Variants in RNLS observed in about 807,000 individuals in gnomAD.
The protein encoded by RNLS is renalase.
A neutral mutation model predicts 39.8 loss-of-function variants in RNLS; 39 were observed. The ratio of observed to expected loss-of-function variants is 0.98; its 90% CI spans 0.76 to 1.28. The LOEUF (loss-of-function observed/expected upper bound fraction) is 1.28, where lower values mean the gene tolerates loss of function less well. Ranked by LOEUF, RNLS falls within the 50% of genes most tolerant of loss-of-function variation. The probability of loss-of-function intolerance (pLI) is 0.00; values close to 1 mark genes in which losing one functional copy is unlikely to be tolerated. For missense variants in RNLS, 410 were observed against 413.3 expected, an observed-to-expected ratio of 0.99 and a Z score of 0.07; for synonymous variants, 147 against 150.7, an observed-to-expected ratio of 0.98 and a Z score of 0.18.
intron 5 of RNLS, among the ~76,000 whole-genome samples, chr10:88,355,677 G>A (rs1002767315): frequency 6.6e-6 from 1 of 152,062 alleles, no homozygotes; most frequent in Admixed American, 6.6e-5. Context: ...ACTTGAGGAG[G>A]CAGTCTGTCC....
At chr10:88,283,693 A>C (rs1843104713), downstream of RNLS, among the ~76,000 whole-genome samples, 1 of 152,110 alleles carries the variant, frequency 6.6e-6, no homozygotes, top group Non-Finnish European at 1.5e-5. Context: ...ATTATCTTTA[A>C]CAAACTAATG....
chr10:88,365,161 C>T (rs1363787491), intron 4 of RNLS, among the ~76,000 whole-genome samples: 3 of 152,002 alleles, frequency 2.0e-5, no homozygotes, highest in Non-Finnish European at 4.4e-5. Context: ...AGGGGCTCTA[C>T]AATTCATTCC....
intron 4 of RNLS, among the ~76,000 whole-genome samples, chr10:88,407,083 C>A (rs970329526): frequency 6.6e-6 from 1 of 151,994 alleles, no homozygotes; most frequent in African/African-American, 2.4e-5. Context: ...TAAAAGACTA[C>A]AAATATGGTG....
chr10:88,549,773 T>C (rs1848521124), intron 4 of RNLS, among the ~76,000 whole-genome samples: 1 of 152,234 alleles, frequency 6.6e-6, no homozygotes, highest in Non-Finnish European at 1.5e-5. Context: ...CCTAGTCCTC[T>C]GAGTTATAGT....
intron 4 of RNLS, among the ~76,000 whole-genome samples, chr10:88,442,055 A>T (rs149213505): frequency 2.0e-5 from 3 of 152,226 alleles, no homozygotes; most frequent in Non-Finnish European, 2.9e-5. Context: ...GAGGCTGGGA[A>T]CATTTCTTTG....
At chr10:88,335,625 T>C (rs890227276) in intron 5 of RNLS, among the ~76,000 whole-genome samples, 1 of 152,208 alleles carries the variant, frequency 6.6e-6, no homozygotes, top group Non-Finnish European at 1.5e-5. Flanking sequence ...TTAGCTATAT[T>C]AGTTCATTAG....
the RNLS span, among the ~76,000 whole-genome samples, chr10:88,268,341 C>T: frequency 1.3e-5 from 2 of 152,152 alleles, no homozygotes; most frequent in East Asian, 3.9e-4. Context: ...AACTTGAAAG[C>T]TCTCCATATA....
intron 4 of RNLS, among the ~76,000 whole-genome samples, chr10:88,436,198 T>C (rs1462199262): frequency 1.3e-5 from 2 of 152,112 alleles, no homozygotes; most frequent in South Asian, 2.1e-4. Context: ...GGGTTGGTGT[T>C]GTGGGCTCAT....
intron 5 of RNLS, among the ~76,000 whole-genome samples, chr10:88,351,378 C>G (rs1430948687): frequency 6.6e-6 from 1 of 152,188 alleles, no homozygotes; most frequent in Admixed American, 6.5e-5. Flanking sequence ...ACATTTAAGT[C>G]TTTAATCCAT....
At chr10:88,532,467 G>T (rs530874207) in intron 4 of RNLS, among the ~76,000 whole-genome samples, 7 of 152,096 alleles carry the variant, frequency 4.6e-5, no homozygotes, top group Non-Finnish European at 7.4e-5. Flanking sequence ...GAAATGTAAT[G>T]AAAAGCAAAG....
chr10:88,307,925 G>A (rs1458610835), intron 6 of RNLS, among the ~76,000 whole-genome samples: 2 of 151,560 alleles, frequency 1.3e-5, no homozygotes, highest in Admixed American at 1.3e-4. Flanking sequence ...CATGATATTG[G>A]TACAAAAACA....
chr10:88,420,365 T>C (rs1377721165), intron 4 of RNLS, among the ~76,000 whole-genome samples: 2 of 152,212 alleles, frequency 1.3e-5, no homozygotes, highest in Non-Finnish European at 2.9e-5. Flanking sequence ...TCTAGGTCTA[T>C]TGTACAAATT....
chr10:88,258,855 C>G, the RNLS span, among the ~76,000 whole-genome samples: 4 of 152,166 alleles, frequency 2.6e-5, no homozygotes, highest in African/African-American at 9.7e-5. Flanking sequence ...CAGGGTCATT[C>G]CTTCACCAGA....
chr10:88,186,961 A>G, the RNLS span, among the ~76,000 whole-genome samples: 1 of 151,794 alleles, frequency 6.6e-6, no homozygotes, highest in South Asian at 2.1e-4. Context: ...AAGTAATAGT[A>G]CAAAGCAAAC....
intron 4 of RNLS, among the ~76,000 whole-genome samples, chr10:88,509,562 A>T (rs889022142): frequency 4.6e-5 from 7 of 152,106 alleles, no homozygotes. Flanking sequence ...AGATTAAAAT[A>T]TATAAAGCAT....
chr10:88,267,907 G>T, the RNLS span, among the ~76,000 whole-genome samples: 1 of 152,166 alleles, frequency 6.6e-6, no homozygotes, highest in Non-Finnish European at 1.5e-5. Context: ...TGTTCCCAGA[G>T]AAATTTTGAT....
the RNLS span, among the ~76,000 whole-genome samples, chr10:88,179,010 C>T: frequency 2.6e-5 from 4 of 152,244 alleles, no homozygotes; most frequent in South Asian, 6.2e-4. Flanking sequence ...CAATGTCAAA[C>T]AGACACACTT....
At chr10:88,473,744 T>A (rs536057773) in intron 4 of RNLS, among the ~76,000 whole-genome samples, 2 of 152,294 alleles carry the variant, frequency 1.3e-5, no homozygotes, top group South Asian at 4.1e-4. Flanking sequence ...GGAGATTTTT[T>A]AAAAATGAAG....
At chr10:88,394,619 T>C (rs907780837) in intron 4 of RNLS, among the ~76,000 whole-genome samples, 1 of 152,128 alleles carries the variant, frequency 6.6e-6, no homozygotes, top group African/African-American at 2.4e-5. Flanking sequence ...GTTCAACCAT[T>C]GTGGAAGTCA....
Sources: gnomAD v4.1 joint callset for allele counts (sites outside exome capture counted in the v4.1 genomes callset) on GRCh38, gnomAD v4.1.1 for gene constraint, MANE v1.5 for transcripts, NCBI Gene and HGNC (gene_info 2026-07-23, HGNC 2026-07-21) for gene names.